The following CNTNAP2 variants were observed in gnomAD, a reference collection of about 807,000 sequenced individuals.
CNTNAP2 encodes contactin-associated protein-like 2.
Under a neutral mutation model 155.2 loss-of-function variants are expected in CNTNAP2, and 98 were observed. The ratio of observed to expected loss-of-function variants is 0.63; its 90% CI spans 0.54 to 0.75. The LOEUF (loss-of-function observed/expected upper bound fraction) is 0.75, where lower values mean the gene tolerates loss of function less well. CNTNAP2 is among the 30% of genes least tolerant of loss of function. The pLI, the probability that CNTNAP2 is intolerant of heterozygous loss-of-function variation, is 0.00. For synonymous variants in CNTNAP2, 651 were observed against 631.2 expected (o/e 1.03, Z -0.47); for missense variants, 1,727 against 1,688.1 (o/e 1.02, Z -0.40).
chr7:147,489,377 G>A (rs909562306), intron 11 of CNTNAP2, among the ~76,000 whole-genome samples: 12 of 151,166 alleles, frequency 7.9e-5, no homozygotes, highest in African/African-American at 2.5e-4. Context: ...GCCAGTTTTT[G>A]TCGTTTAAGA....
intron 10 of CNTNAP2, among the ~76,000 whole-genome samples, chr7:147,480,009 A>C (rs987338223): frequency 1.3e-5 from 2 of 152,164 alleles, no homozygotes; most frequent in Non-Finnish European, 2.9e-5. Context: ...TTTCAACTGA[A>C]ATCAAAATCT....
At chr7:147,964,352 A>T (rs1801168666) in intron 14 of CNTNAP2, among the ~76,000 whole-genome samples, 1 of 152,192 alleles carries the variant, frequency 6.6e-6, no homozygotes, top group Non-Finnish European at 1.5e-5. Flanking sequence ...AACAGTCTCG[A>T]AGAATTAAAT....
intron 13 of CNTNAP2, among the ~76,000 whole-genome samples, chr7:147,861,748 G>T (rs917050960): frequency 7.9e-5 from 12 of 152,126 alleles, no homozygotes; most frequent in Admixed American, 7.9e-4. Flanking sequence ...AAGTGTGGTG[G>T]CTCATGGCTG....
At chr7:146,647,777 A>G (rs939802550) in intron 1 of CNTNAP2, among the ~76,000 whole-genome samples, 2 of 152,184 alleles carry the variant, frequency 1.3e-5, no homozygotes, top group Admixed American at 6.5e-5. Flanking sequence ...GTCAGCTTTC[A>G]TATCTCTTTA....
chr7:147,380,051 C>T (rs1401943713), intron 9 of CNTNAP2, among the ~76,000 whole-genome samples: 1 of 151,918 alleles, frequency 6.6e-6, no homozygotes, highest in Non-Finnish European at 1.5e-5. Flanking sequence ...CCCATGTTGC[C>T]TCGTCCTAGG....
chr7:147,540,843 A>G (rs1427139148), intron 11 of CNTNAP2, among the ~76,000 whole-genome samples: 2 of 152,114 alleles, frequency 1.3e-5, no homozygotes, highest in Non-Finnish European at 2.9e-5. Context: ...AAAAAAAGAA[A>G]CAAGTTAATG....
At chr7:147,480,722 T>C (rs889162519) in intron 10 of CNTNAP2, among the ~76,000 whole-genome samples, 26 of 152,198 alleles carry the variant, frequency 1.7e-4, no homozygotes, top group African/African-American at 6.3e-4. Context: ...TTGTGCTCCC[T>C]TCCTGGGCTG....
At chr7:146,456,303 C>A (rs1395104936) in intron 1 of CNTNAP2, among the ~76,000 whole-genome samples, 2 of 152,140 alleles carry the variant, frequency 1.3e-5, no homozygotes, top group Admixed American at 6.6e-5. Context: ...CAAAAAGCAA[C>A]AGCAGACTAG....
chr7:148,387,756 TG>T (rs1799247507), intron 22 of CNTNAP2, among the ~76,000 whole-genome samples: 1 of 150,370 alleles, frequency 6.7e-6, no homozygotes, highest in Non-Finnish European at 1.5e-5. Flanking sequence ...CAAAACTACC[TG>T]GGGAGCTTTT....
intron 15 of CNTNAP2, among the ~76,000 whole-genome samples, chr7:148,059,085 A>T (rs1271958202): frequency 6.6e-6 from 1 of 151,980 alleles, no homozygotes; most frequent in East Asian, 1.9e-4. Flanking sequence ...ATTCGAGACC[A>T]ACCTGGCCAA....
intron 8 of CNTNAP2, among the ~76,000 whole-genome samples, chr7:147,149,799 T>C (rs1325674957): frequency 6.6e-6 from 1 of 152,034 alleles, no homozygotes; most frequent in East Asian, 1.9e-4. Flanking sequence ...TGAGATAAGG[T>C]GGAAAGCATT....
chr7:146,554,793 C>T (rs909360185), intron 1 of CNTNAP2, among the ~76,000 whole-genome samples: 1 of 152,164 alleles, frequency 6.6e-6, no homozygotes, highest in Non-Finnish European at 1.5e-5. Context: ...ACAGAGTCTC[C>T]GAGGTAAGGC....
intron 12 of CNTNAP2, among the ~76,000 whole-genome samples, chr7:147,583,524 ATATATAT>A (rs1563008307): frequency 6.8e-6 from 1 of 147,322 alleles, no homozygotes; most frequent in African/African-American, 2.5e-5. Flanking sequence ...ATATATATAT[ATATATAT>A]AATGTCAAAC....
Position 148,147,503 on chromosome 7 carries a change from T to G in CNTNAP2, c.2567T>G (p.Val856Gly). ...TCTGCTCCTCCAGCTGCCACAGAAG[T>G]GTCCTTTTCATTTGATGTGGGAAAT... ...IKLELKSATE[V>G]SFSFDVGNGP... is the part of the protein sequence containing the mutation. The change falls in exon 17 of 24, where the codon GTG (valine) becomes GGG (glycine). Residue 856 changes from valine (V) to glycine (G), a missense_variant. By Grantham distance (109) the Val-to-Gly change is moderately radical. Coordinates refer to ENST00000361727, the MANE Select transcript of CNTNAP2 (RefSeq NM_014141.6). 6.2e-7 allele frequency: 1 copy of G among 1,614,128 alleles called. No individual in the cohort carries two copies. The highest frequency in any genetic ancestry group is 8.5e-7 in the Non-Finnish European group (1 of 1,180,020).
At chr7:146,425,024 T>C (rs1288089816) in intron 1 of CNTNAP2, among the ~76,000 whole-genome samples, 1 of 152,162 alleles carries the variant, frequency 6.6e-6, no homozygotes, top group Admixed American at 6.5e-5. Flanking sequence ...TCACTAGGTA[T>C]AAAAACAAAT....
At chr7:148,413,432 A>ATATATATATATATATATG (rs1799898893) in intron 23 of CNTNAP2, among the ~76,000 whole-genome samples, 1 of 102,244 alleles carries the variant, frequency 9.8e-6, no homozygotes, top group African/African-American at 3.9e-5. Flanking sequence ...ATATATATAT[A>ATATATATATATATATATG]TATATATATA....
At chr7:146,362,271 T>C (rs1247954659) in intron 1 of CNTNAP2, among the ~76,000 whole-genome samples, 2 of 152,208 alleles carry the variant, frequency 1.3e-5, no homozygotes, top group African/African-American at 4.8e-5. Flanking sequence ...TCTTGAGCTT[T>C]ACATTCTAAC....
chr7:147,368,468 C>CT (rs1270816365), intron 9 of CNTNAP2, among the ~76,000 whole-genome samples: 1 of 152,036 alleles, frequency 6.6e-6, no homozygotes, highest in Admixed American at 6.5e-5. Flanking sequence ...TATAGAGTGT[C>CT]TAATATTTTG....
chr7:147,395,493 G>A, intron 9 of CNTNAP2, 116 bp from the exon 10 acceptor site: 4 of 1,010,240 alleles, frequency 4.0e-6, no homozygotes, highest in Non-Finnish European at 6.2e-6. Flanking sequence ...CATCAGCAAG[G>A]ATTAAAGAAA....
Sources: allele counts gnomAD v4.1 joint callset (sites outside exome capture counted in the v4.1 genomes callset), GRCh38; gene constraint gnomAD v4.1.1; transcripts MANE v1.5; gene names NCBI Gene and HGNC (gene_info 2026-07-23, HGNC 2026-07-21).